Variants in DGKB observed in about 807,000 individuals in gnomAD.
DGKB encodes diacylglycerol kinase beta.
A neutral mutation model predicts 114.3 loss-of-function variants in DGKB; 67 were observed. The ratio of observed to expected loss-of-function variants is 0.59; its 90% CI spans 0.48 to 0.72. DGKB has a LOEUF of 0.72. Among genes scored for constraint, DGKB ranks in the 30% least tolerant of loss-of-function variants. The pLI is 0.00. For missense variants in DGKB, 907 were observed against 975.2 expected, an observed-to-expected ratio of 0.93 and a Z score of 0.93; for synonymous variants, 398 against 323.1, an observed-to-expected ratio of 1.23 and a Z score of -2.49.
At position 14,685,783 on chromosome 7, in the gene DGKB, C is replaced by G. The variant is rs115839422; in HGVS notation, c.712-421G>C. Among the ~76,000 whole-genome samples the G allele has an allele frequency of 7.7e-3, 1,172 of 152,288 alleles. 19 individuals carry two copies. The highest frequency in any genetic ancestry group is 0.026 in the African/African-American group (1,090 of 41,564). ...GAAAAACCTGCAAAGACGTCATTAA[C>G]CCTTGCTTACTAGTAGTAATATACA... On this transcript the variant is annotated intron_variant, in intron 9 of 25. Transcript: ENST00000402815.
chr7:14,856,020 C>CCA (rs200809238), intron 1 of DGKB, among the ~76,000 whole-genome samples: 54,254 of 148,778 alleles, frequency 0.36, 10,707 homozygotes, highest in East Asian at 0.63. Context: ...CACACACACA[C>CCA]ATAATTAACA....
intron 20 of DGKB, among the ~76,000 whole-genome samples, chr7:14,503,362 AGAG>A (rs992749403): frequency 6.6e-6 from 1 of 152,060 alleles, no homozygotes; most frequent in Non-Finnish European, 1.5e-5. Context: ...ATTTTCCCAA[AGAG>A]GAGATGGTCA....
intron 21 of DGKB, among the ~76,000 whole-genome samples, chr7:14,388,416 G>A (rs1471367046): frequency 6.8e-6 from 1 of 147,876 alleles, no homozygotes; most frequent in Non-Finnish European, 1.5e-5. Flanking sequence ...GTAGATGTGT[G>A]TTTGTATATG....
chr7:14,285,820 A>G (rs1423701186), intron 23 of DGKB, among the ~76,000 whole-genome samples: 1 of 152,172 alleles, frequency 6.6e-6, no homozygotes, highest in Non-Finnish European at 1.5e-5. Context: ...TATTTGAGAA[A>G]TCCTTGGCCT....
intron 20 of DGKB, among the ~76,000 whole-genome samples, chr7:14,528,349 G>A (rs1790985170): frequency 6.6e-6 from 1 of 152,032 alleles, no homozygotes; most frequent in African/African-American, 2.4e-5. Context: ...CACCCACGAT[G>A]CCTTACATAT....
At chr7:14,756,360 T>G (rs1427773514) in intron 3 of DGKB, among the ~76,000 whole-genome samples, 1 of 152,028 alleles carries the variant, frequency 6.6e-6, no homozygotes, top group Non-Finnish European at 1.5e-5. Flanking sequence ...GCTGCTAATT[T>G]TTTTTTCCTC....
chr7:14,254,602 T>C (rs1242481270), intron 23 of DGKB, among the ~76,000 whole-genome samples: 1 of 152,174 alleles, frequency 6.6e-6, no homozygotes, highest in African/African-American at 2.4e-5. Context: ...GTAATATATA[T>C]TGGAAAGTAC....
In DGKB at chr7:14,408,490, G is replaced by C. The variant is rs73679731; in HGVS notation, c.1836-63099C>G. On this transcript the variant is annotated intron_variant, in intron 21 of 25. Coordinates refer to ENST00000402815, the MANE Select transcript of DGKB (RefSeq NM_001350709.2). ...ACAATATTAATGCTACCTGATTGTA[G>C]GCTGAACTGGAAAAGTCTGAATAAT... Among the ~76,000 whole-genome samples the C allele has an allele frequency of 6.7e-3, 1,012 of 152,174 alleles. 5 individuals carry two copies. The highest frequency in any genetic ancestry group is 0.017 in the Middle Eastern group (5 of 294).
intron 5 of DGKB, 178 bp from the exon 6 acceptor site, chr7:14,718,863 G>A: frequency 1.9e-6 from 1 of 522,870 alleles, no homozygotes; most frequent in East Asian, 3.3e-5. Flanking sequence ...GACTGTTGTA[G>A]ATGAAGGAGA....
intron 23 of DGKB, among the ~76,000 whole-genome samples, chr7:14,185,267 A>T (rs575811016): frequency 6.6e-6 from 1 of 152,316 alleles, no homozygotes; most frequent in African/African-American, 2.4e-5. Flanking sequence ...AACCACTTTT[A>T]CAATAGCTGC....
At chr7:14,409,989 A>G (rs1049176635) in intron 21 of DGKB, among the ~76,000 whole-genome samples, 1 of 152,100 alleles carries the variant, frequency 6.6e-6, no homozygotes, top group Non-Finnish European at 1.5e-5. Context: ...TCTACTTAAC[A>G]ACAGGCTATT....
At chr7:14,435,153 C>G (rs908828658) in intron 21 of DGKB, among the ~76,000 whole-genome samples, 1 of 152,094 alleles carries the variant, frequency 6.6e-6, no homozygotes, top group Admixed American at 6.6e-5. Context: ...CAACCTCTAC[C>G]TAAATTAACT....
intron 1 of DGKB, among the ~76,000 whole-genome samples, chr7:14,872,780 G>A (rs1483501511): frequency 6.6e-6 from 1 of 150,402 alleles, no homozygotes; most frequent in Non-Finnish European, 1.5e-5. Context: ...TTCTAAATTT[G>A]ATTGTTTATG....
At chr7:14,751,727 T>C (rs1834153469) in intron 4 of DGKB, among the ~76,000 whole-genome samples, 1 of 152,168 alleles carries the variant, frequency 6.6e-6, no homozygotes, top group African/African-American at 2.4e-5. Flanking sequence ...TCCTACCACA[T>C]GGTGGAAGGA....
intron 13 of DGKB, among the ~76,000 whole-genome samples, chr7:14,636,531 T>G (rs1420234447): frequency 6.6e-6 from 1 of 151,874 alleles, no homozygotes; most frequent in Non-Finnish European, 1.5e-5. Flanking sequence ...TGTAATGTTA[T>G]ATACATCCAG....
At chr7:14,878,766 A>AAC (rs1853745370) in intron 1 of DGKB, among the ~76,000 whole-genome samples, 1 of 151,104 alleles carries the variant, frequency 6.6e-6, no homozygotes, top group Non-Finnish European at 1.5e-5. Context: ...AAAAAAAAAA[A>AAC]AACAAAAAAA....
chr7:14,338,303 C>A (rs1252271529), intron 23 of DGKB, among the ~76,000 whole-genome samples: 1 of 151,778 alleles, frequency 6.6e-6, no homozygotes, highest in African/African-American at 2.4e-5. Context: ...GAGCTATATA[C>A]GAAGAAGAAT....
At chr7:14,751,644 C>T (rs1222991189) in intron 4 of DGKB, among the ~76,000 whole-genome samples, 1 of 152,170 alleles carries the variant, frequency 6.6e-6, no homozygotes, top group Non-Finnish European at 1.5e-5. Context: ...GACAATAGCT[C>T]TGCTATCAGA....
intron 6 of DGKB, among the ~76,000 whole-genome samples, chr7:14,715,146 T>C (rs191648160): frequency 1.3e-3 from 193 of 152,308 alleles, no homozygotes; most frequent in African/African-American, 4.6e-3. Context: ...TTGCATTCAA[T>C]CATTATAAAT....
Sources: gnomAD v4.1 joint callset for allele counts (sites outside exome capture counted in the v4.1 genomes callset) on GRCh38, gnomAD v4.1.1 for gene constraint, MANE v1.5 for transcripts, NCBI Gene and HGNC (gene_info 2026-07-23, HGNC 2026-07-21) for gene names.